CABYR: variants seen among roughly 807,000 people sequenced by gnomAD.
CABYR encodes calcium binding tyrosine phosphorylation regulated.
In CABYR, 31 loss-of-function variants were observed where a neutral mutation model predicts 36.1. The observed-to-expected ratio is 0.86, with a 90% CI of 0.64 to 1.16. The LOEUF is 1.16. Among genes scored for constraint, CABYR ranks in the 50% most tolerant of loss-of-function variants. The pLI, the probability that CABYR is intolerant of heterozygous loss-of-function variation, is 0.00. For synonymous variants in CABYR, 146 were observed against 160.7 expected (o/e 0.91, Z 0.69); for missense variants, 429 against 455.8 (o/e 0.94, Z 0.53).
In CABYR at chr18:24,159,726, A is replaced by C; in HGVS notation, c.796A>C (p.Asn266His). 1 of 1,614,012 alleles carries C rather than the reference A, an allele frequency of 6.2e-7. No individual in the cohort carries two copies. The highest frequency in any genetic ancestry group is 8.5e-7 in the Non-Finnish European group (1 of 1,180,014). ...SAPPFILVGS[N>H]VQEAQGWKPL... ...CCCACCTTTTATCTTAGTAGGCTCA[A>C]ATGTTCAGGAAGCACAGGGATGGAA... The change falls in exon 5 of 6, where the codon AAT becomes CAT. Residue 266 changes from asparagine (N) to histidine (H), a missense_variant. Physicochemically the swap from Asn to His is moderately conservative, Grantham distance 68. Coordinates refer to ENST00000399496, the MANE Select transcript of CABYR (RefSeq NM_153769.3).
intron 1 of CABYR, chr18:24,139,959 T>C (rs1411831268): frequency 6.7e-6 from 1 of 149,548 alleles, no homozygotes; most frequent in South Asian, 2.1e-4. Context: ...AGACGGACTC[T>C]AGCTGTGTCA....
At chr18:24,147,433 G>A (rs927518575) in intron 3 of CABYR, among the ~76,000 whole-genome samples, 7 of 152,068 alleles carry the variant, frequency 4.6e-5, no homozygotes, top group Non-Finnish European at 7.4e-5. Flanking sequence ...CCAATGTTAC[G>A]ATTTCTATTT....
intron 3 of CABYR, chr18:24,150,535 T>C (rs2085593880): frequency 2.1e-6 from 2 of 961,290 alleles, no homozygotes; most frequent in South Asian, 4.8e-5. Context: ...TCCTCTTTGA[T>C]AGATGGTGCA....
chr18:24,155,590 G>T, intron 3 of CABYR, 111 bp from the exon 4 acceptor site: 1 of 814,070 alleles, frequency 1.2e-6, no homozygotes, highest in East Asian at 2.6e-5. Context: ...CCAAAGTCCT[G>T]GGATTACAGG....
In CABYR at chr18:24,155,929, A is replaced by T. The variant is rs745796270; in HGVS notation, c.428A>T (p.Lys143Ile). The T allele has an allele frequency of 6.2e-7, 1 of 1,614,134 alleles. No individual in the cohort carries two copies. The highest frequency in any genetic ancestry group is 1.1e-5 in the South Asian group (1 of 91,078). Residue 143 changes from lysine (K) to isoleucine (I), a missense_variant, in exon 4 of 6, where the codon AAA becomes ATA. By Grantham distance (102) the Lys-to-Ile change is moderately radical. Transcript: ENST00000399496. Reference sequence around the variant, plus strand: ...GAAGCAGTTGGTGGTCTTTCTTCCAAACCAGCCACCCCTAAGACTACTACC... The same window carrying T: ...GAAGCAGTTGGTGGTCTTTCTTCCATACCAGCCACCCCTAAGACTACTACC... ...QTEAVGGLSSKPATPKTTTPP... is the reference protein window; with the variant it reads ...QTEAVGGLSSIPATPKTTTPP...
chr18:24,156,522 CGAGT>C (rs1567902123), intron 4 of CABYR: 2 of 1,614,048 alleles, frequency 1.2e-6, no homozygotes, highest in Admixed American at 3.3e-5. Context: ...GCAGTCACCA[CGAGT>C]TAGTCCCAAA....
At position 24,156,604 on chromosome 18, in the gene CABYR, TGGA is replaced by T. The variant is rs773007955; in HGVS notation, c.541+567_541+569del. ...GTAGAGTCTGTAAAACTTGCACAGTTGGAGGAGAATGCAAAATATTCCTCAGTA... is the reference window on the plus strand; with the variant it reads ...GTAGAGTCTGTAAAACTTGCACAGTTGGAGAATGCAAAATATTCCTCAGTA... On this transcript the variant is annotated intron_variant, in intron 4 of 5. Coordinates refer to ENST00000399496, the MANE Select transcript of CABYR (RefSeq NM_153769.3). The T allele has an allele frequency of 1.4e-5, 23 of 1,614,198 alleles. No homozygotes were observed. In the African/African-American group the frequency reaches 1.6e-4, roughly 11 times the overall value.
chr18:24,155,497 G>C (rs1318059052), intron 3 of CABYR, among the ~76,000 whole-genome samples: 1 of 151,302 alleles, frequency 6.6e-6, no homozygotes, highest in Non-Finnish European at 1.5e-5. Context: ...TTTTTTTGGT[G>C]GTGGTGGGTA....
intron 3 of CABYR, among the ~76,000 whole-genome samples, chr18:24,147,134 A>T (rs2085479086): frequency 6.6e-6 from 1 of 150,564 alleles, no homozygotes; most frequent in Non-Finnish European, 1.5e-5. Context: ...TCTACAGAAC[A>T]TTTTTTAAAA....
At chr18:24,152,089 G>T (rs1294872611) in intron 3 of CABYR, among the ~76,000 whole-genome samples, 1 of 152,036 alleles carries the variant, frequency 6.6e-6, no homozygotes, top group African/African-American at 2.4e-5. Flanking sequence ...CACATATAAA[G>T]AAAAAACATC....
chr18:24,156,014 C>A lies in CABYR; in HGVS notation c.513C>A (p.Asp171Glu), dbSNP rs769689740. Reference sequence around the variant, plus strand: ...CAGAGTTTGCCTACGTCCCAGCTGACCCAGCTCAGCTTGCTGCTCAGATGT... The same window carrying A: ...CAGAGTTTGCCTACGTCCCAGCTGAACCAGCTCAGCTTGCTGCTCAGATGT... ...VSPEFAYVPA[D>E]PAQLAAQMLA... Residue 171 changes from aspartate (D) to glutamate (E), a missense_variant, in exon 4 of 6, where the codon GAC becomes GAA. By Grantham distance (45) the Asp-to-Glu change is conservative (BLOSUM62 2). Transcript: ENST00000399496. 1 of 1,614,208 alleles carries A rather than the reference C, an allele frequency of 6.2e-7. No individual in the cohort carries two copies. The highest frequency in any genetic ancestry group is 8.5e-7 in the Non-Finnish European group (1 of 1,180,032).
At chr18:24,152,648 G>A (rs945162413) in intron 3 of CABYR, 1 of 152,032 alleles carries the variant, frequency 6.6e-6, no homozygotes, top group African/African-American at 2.4e-5. Flanking sequence ...TCTTCTAGAC[G>A]TAATTTCAGG....
rs199697895 is a variant in CABYR at position 24,161,540 on chromosome 18, C to T, written c.*24C>T. On this transcript the variant is annotated 3_prime_UTR_variant, in exon 6 of 6. Transcript: ENST00000399496. The stretch of plus-strand genomic sequence containing the variant: ...GATCCAGAAATGACGCTGTCTGGGT[C>T]AACATTTCAGGGAGGAGTCTGCCAC... 1 of 780,412 alleles carries T rather than the reference C, an allele frequency of 1.3e-6. No homozygotes were observed. Among genetic ancestry groups the T allele is most frequent in the Non-Finnish European group, 2.4e-6 (1 of 417,916 alleles). The allele number at this position is 780,412 out of a possible 1,614,324, so 48.3% of individuals were successfully genotyped here. A position where few individuals can be genotyped will look rare whatever the true frequency, so the allele number is the denominator to read the frequency against.
chr18:24,161,518 C>A lies in CABYR; in HGVS notation c.*2C>A. The A allele has an allele frequency of 9.0e-6, 7 of 780,520 alleles. No homozygotes were observed. The highest frequency in any genetic ancestry group is 9.6e-6 in the Non-Finnish European group (4 of 417,944). The allele number at this position is 780,520 out of a possible 1,614,324, so 48.3% of individuals were successfully genotyped here. On this transcript the variant is annotated splice_region_variant and 3_prime_UTR_variant, in exon 6 of 6. Coordinates refer to ENST00000399496, the MANE Select transcript of CABYR (RefSeq NM_153769.3). ...AATGTTTGCATTATTCCTAACAGATCCAGAAATGACGCTGTCTGGGTCAAC... is the reference window on the plus strand; with the variant it reads ...AATGTTTGCATTATTCCTAACAGATACAGAAATGACGCTGTCTGGGTCAAC...
At chr18:24,144,317 A>C (rs139944002) in intron 3 of CABYR, among the ~76,000 whole-genome samples, 1 of 152,358 alleles carries the variant, frequency 6.6e-6, no homozygotes, top group East Asian at 1.9e-4. Context: ...ATATACATCC[A>C]AGCAGAGAAT....
intron 5 of CABYR, 50 bp from the exon 6 acceptor site, chr18:24,161,466 G>A (rs779441766): frequency 2.6e-6 from 2 of 776,966 alleles, no homozygotes; most frequent in Admixed American, 3.4e-5. Flanking sequence ...TCACATGTTC[G>A]GTTTCATGTT....
At chr18:24,155,617 C>A (rs918960734) in intron 3 of CABYR, 84 bp from the exon 4 acceptor site, 1 of 1,004,412 alleles carries the variant, frequency 1.0e-6, no homozygotes, top group Non-Finnish European at 1.5e-6. Context: ...CCACTACATC[C>A]CTATTATTGC....
rs752807337 is a variant in CABYR, at chr18:24,157,000, G to GT, written c.541+959dup. 14 of 1,591,456 alleles carry GT rather than the reference G, an allele frequency of 8.8e-6. No individual in the cohort carries two copies. The African/African-American group carries it at 1.9e-4, about 21-fold the overall frequency. On this transcript the variant is annotated intron_variant, in intron 4 of 5. Transcript: ENST00000399496. ...GCTGAATAAGGTTTGATGAAGCCAG[G>GT]TAAGAAAATCAGGTATTTCCATTAC...
chr18:24,144,601 T>TAAAC (rs891728983), intron 3 of CABYR, among the ~76,000 whole-genome samples: 2 of 152,066 alleles, frequency 1.3e-5, no homozygotes, highest in Non-Finnish European at 2.9e-5. Flanking sequence ...CCCCCATCTC[T>TAAAC]AAACAAACAA....
Sources: allele counts gnomAD v4.1 joint callset (sites outside exome capture counted in the v4.1 genomes callset), GRCh38; gene constraint gnomAD v4.1.1; transcripts MANE v1.5; gene names NCBI Gene and HGNC (gene_info 2026-07-23, HGNC 2026-07-21).